COL12A1: variants seen among roughly 807,000 people sequenced by gnomAD.
COL12A1 encodes the protein collagen alpha-1(XII) chain.
Under a neutral mutation model 349.7 loss-of-function variants are expected in COL12A1, and 114 were observed. The observed-to-expected ratio is 0.33, with a 90% confidence interval of 0.28 to 0.38. The LOEUF is 0.38. Among genes scored for constraint, COL12A1 ranks in the 10% least tolerant of loss-of-function variants. The probability of loss-of-function intolerance (pLI) is 1.00; values close to 1 mark genes in which losing one functional copy is unlikely to be tolerated. For synonymous variants in COL12A1, 1,369 were observed against 1,329.0 expected, an observed-to-expected ratio of 1.03 and a Z score of -0.66; for missense variants, 3,284 against 3,756.9, an observed-to-expected ratio of 0.87 and a Z score of 3.29.
At chr6:75,200,683 A>G (rs1290695588) in intron 2 of COL12A1, among the ~76,000 whole-genome samples, 3 of 152,214 alleles carry the variant, frequency 2.0e-5, no homozygotes, top group South Asian at 2.1e-4. Flanking sequence ...AATAATTTTC[A>G]TATTGGCTCC....
intron 27 of COL12A1, 62 bp from the exon 28 acceptor site, chr6:75,139,023 A>T: frequency 6.3e-7 from 1 of 1,590,456 alleles, no homozygotes; most frequent in Non-Finnish European, 8.6e-7. Flanking sequence ...GCAATTTAAT[A>T]TAATAAAAAC....
At chr6:75,089,925 T>C (rs1020076036) in intron 63 of COL12A1, among the ~76,000 whole-genome samples, 185 bp downstream of exon 63, 12 of 152,144 alleles carry the variant, frequency 7.9e-5, no homozygotes, top group African/African-American at 2.9e-4. Flanking sequence ...GATAAAAACA[T>C]ACCATTTTTC....
rs545379900 is a variant in COL12A1, at chr6:75,113,671, T to C, written c.7771A>G (p.Ser2591Gly). The C allele has an allele frequency of 2.5e-6, 4 of 1,606,866 alleles. No homozygotes were observed. Among genetic ancestry groups the C allele is most frequent in the Non-Finnish European group, 3.4e-6 (4 of 1,175,214 alleles). ...LLFRLLPETPSDPFAIWQITD... is the reference protein window; with the variant it reads ...LLFRLLPETPGDPFAIWQITD... Reference sequence around the variant, plus strand: ...ATTTGCCAAATTGCAAAAGGGTCACTGGGAGTTTCTGGGAGAAGTCTGAAT... The same window carrying C: ...ATTTGCCAAATTGCAAAAGGGTCACCGGGAGTTTCTGGGAGAAGTCTGAAT... The change falls in exon 50 of 66, where the codon AGT (serine) becomes GGT (glycine). Residue 2591 changes from serine (S) to glycine (G), a missense_variant. Physicochemically the swap from Ser to Gly is moderately conservative, Grantham distance 56. This residue lies in a region of COL12A1 where 683 missense variants were observed against 932.1 expected (regional missense o/e 0.73). Transcript: ENST00000322507.
At chr6:75,119,503 A>G (rs768782251) in intron 44 of COL12A1, 30 bp from the exon 45 acceptor site, 40 of 1,578,600 alleles carry the variant, frequency 2.5e-5, no homozygotes, top group Non-Finnish European at 3.4e-5. Flanking sequence ...GGCAGTGAGC[A>G]TAAGTCATCT....
At chr6:75,192,715 T>C (rs969329038) in intron 3 of COL12A1, among the ~76,000 whole-genome samples, 7 of 152,154 alleles carry the variant, frequency 4.6e-5, no homozygotes, top group African/African-American at 7.2e-5. Flanking sequence ...AAAATGAATT[T>C]AATTTTAAAT....
chr6:75,197,702 A>G (rs1241310163), intron 2 of COL12A1, among the ~76,000 whole-genome samples: 2 of 152,234 alleles, frequency 1.3e-5, no homozygotes, highest in South Asian at 4.1e-4. Context: ...CAAGAGAAAC[A>G]GAATGAAAAT....
chr6:75,151,790 A>C (rs1767503731), intron 20 of COL12A1, 77 bp downstream of exon 20: 2 of 1,417,074 alleles, frequency 1.4e-6, no homozygotes, highest in South Asian at 2.9e-5. Flanking sequence ...CATGCTTCAG[A>C]TAAAACTTCT....
In COL12A1 at chr6:75,145,884, C is replaced by T. The variant is rs113548469; in HGVS notation, c.4560+218G>A. On this transcript the variant is annotated intron_variant, in intron 24 of 65. Coordinates refer to ENST00000322507, the MANE Select transcript of COL12A1 (RefSeq NM_004370.6). ...TGACTTCAGGTGATCTGCCCACCTCCGCCTCCCAAAGTGCTGAGATTACAC... is the reference window on the plus strand; with the variant it reads ...TGACTTCAGGTGATCTGCCCACCTCTGCCTCCCAAAGTGCTGAGATTACAC... 7.7e-3 allele frequency among the ~76,000 whole-genome samples: 1,173 copies of T among 152,186 alleles called. 13 individuals carry two copies. The highest frequency in any genetic ancestry group is 0.026 in the African/African-American group (1,096 of 41,548).
Position 75,133,478 on chromosome 6 carries a change from A to C in COL12A1, c.5665-56T>G, listed in dbSNP as rs1393240030. ...ACTTGAAAAATTTGTGAAAGAAATAATAATTCAAATAACACAATACCAACT... is the reference window on the plus strand; with the variant it reads ...ACTTGAAAAATTTGTGAAAGAAATACTAATTCAAATAACACAATACCAACT... On this transcript the variant is annotated intron_variant, in intron 33 of 65. Transcript: ENST00000322507. The C allele has an allele frequency of 2.0e-6, 3 of 1,533,094 alleles. No individual in the cohort carries two copies. In the East Asian group the frequency reaches 6.9e-5, roughly 35 times the overall value. The allele number at this position is 1,533,094 out of a possible 1,614,324, so 95.0% of individuals were successfully genotyped here. A position where few individuals can be genotyped will look rare whatever the true frequency, so the allele number is the denominator to read the frequency against.
intron 60 of COL12A1, among the ~76,000 whole-genome samples, chr6:75,094,224 G>C (rs530006126): frequency 6.6e-6 from 1 of 152,038 alleles, no homozygotes; most frequent in Admixed American, 6.5e-5. Context: ...TTTAACTCGG[G>C]TTTGTAAAAT....
rs574863380 is a variant in COL12A1, at chr6:75,145,452, G to A, written c.4564C>T (p.Arg1522Cys). The A allele has an allele frequency of 1.4e-5, 22 of 1,612,956 alleles. No individual in the cohort carries two copies. The highest frequency in any genetic ancestry group is 5.3e-5 in the African/African-American group (4 of 74,956). The change falls in exon 25 of 66, where the codon CGT (arginine) becomes TGT (cysteine). Residue 1522 changes from arginine to cysteine, a missense_variant. This residue lies in a region of COL12A1 where 2,601 missense variants were observed against 2,824.8 expected (regional missense o/e 0.92). Transcript: ENST00000322507. ...ATGTCATTCACTGTTGGCCCCAAAC[G>A]CACCTGCACATGGATATGTGGAGCA... ...DTEPTRPKEVRLGPTVNDMQL... is the reference protein window; with the variant it reads ...DTEPTRPKEVCLGPTVNDMQL...
At chr6:75,161,293 A>C (rs185958184) in intron 14 of COL12A1, among the ~76,000 whole-genome samples, 1 of 152,332 alleles carries the variant, frequency 6.6e-6, no homozygotes, top group Admixed American at 6.5e-5. Context: ...TGTTAACTTT[A>C]AATCATCTCT....
intron 21 of COL12A1, 70 bp from the exon 22 acceptor site, chr6:75,148,567 T>C (rs1201083937): frequency 3.7e-6 from 5 of 1,347,730 alleles, no homozygotes; most frequent in Non-Finnish European, 5.2e-6. Context: ...TGAAATGACA[T>C]TGAAACAATA....
intron 38 of COL12A1, among the ~76,000 whole-genome samples, chr6:75,127,067 A>T: frequency 6.6e-6 from 1 of 152,148 alleles, no homozygotes; most frequent in Non-Finnish European, 1.5e-5. Context: ...TTGCGCAAAT[A>T]ACGAATCCAA....
chr6:75,133,290 T>C lies in COL12A1; in HGVS notation c.5794+3A>G. On this transcript the variant is annotated splice_donor_region_variant and intron_variant, in intron 34 of 65. Transcript: ENST00000322507. ...AAATTAATTTTTTGGCTTTATTACT[T>C]ACATGTCCTTCCAGTATCTGATGTG... 6.3e-7 allele frequency: 1 copy of C among 1,579,622 alleles called. No homozygotes were observed. Among genetic ancestry groups the C allele is most frequent in the Non-Finnish European group, 8.6e-7 (1 of 1,166,614 alleles).
At chr6:75,106,949 A>G (rs1768596147) in intron 52 of COL12A1, among the ~76,000 whole-genome samples, 1 of 122,388 alleles carries the variant, frequency 8.2e-6, no homozygotes, top group Non-Finnish European at 1.6e-5. Context: ...TTGCCCAGGT[A>G]GGAGTACAGT....
intron 21 of COL12A1, 68 bp downstream of exon 21, chr6:75,151,073 C>CCAACA: frequency 1.4e-6 from 1 of 714,238 alleles, no homozygotes; most frequent in Non-Finnish European, 2.1e-6. Flanking sequence ...CCCCCCCACC[C>CCAACA]AAAAGAATAA....
At chr6:75,136,501 C>G (rs1318293676) in intron 31 of COL12A1, among the ~76,000 whole-genome samples, 1 of 152,112 alleles carries the variant, frequency 6.6e-6, no homozygotes, top group Non-Finnish European at 1.5e-5. Context: ...TAATGCCAAC[C>G]CCTACCTTGG....
intron 59 of COL12A1, among the ~76,000 whole-genome samples, chr6:75,096,703 C>T (rs1167613417): frequency 2.6e-5 from 4 of 151,942 alleles, no homozygotes; most frequent in South Asian, 2.1e-4. Flanking sequence ...GAGACCATCC[C>T]GGCTAAAAGG....
Sources: allele counts gnomAD v4.1 joint callset (sites outside exome capture counted in the v4.1 genomes callset), GRCh38; gene constraint gnomAD v4.1.1; regional missense constraint gnomAD v4.1.1; transcripts MANE v1.5; gene names NCBI Gene and HGNC (gene_info 2026-07-23, HGNC 2026-07-21).